Variants in ATG2A observed in about 807,000 individuals in gnomAD.
ATG2A encodes autophagy-related protein 2 homolog A.
ATG2A carries 103 observed loss-of-function variants against 214.2 expected under a neutral mutation model. The ratio of observed to expected loss-of-function variants is 0.48; its 90% confidence interval spans 0.41 to 0.57. The LOEUF (loss-of-function observed/expected upper bound fraction) is 0.57. ATG2A is among the 20% of genes least tolerant of loss of function. ATG2A has a pLI of 0.00. For missense variants in ATG2A, 2,312 were observed against 2,613.2 expected, an observed-to-expected ratio of 0.88 and a Z score of 2.51; for synonymous variants, 1,160 against 1,142.1, an observed-to-expected ratio of 1.02 and a Z score of -0.32.
chr11:64,907,622 A>G lies in ATG2A; in HGVS notation c.2550T>C (p.Leu850=). The change falls in exon 18 of 41, where the codon CTT becomes CTC. Residue 850 remains leucine (L), a synonymous_variant. Transcript: ENST00000377264. The stretch of plus-strand genomic sequence containing the variant: ...GCTGGGCGGCGGGGTCGGGGGTGGG[A>G]AGCAGATCTGCAGGCTCCCACATGA... ...DLLMWEPADL[L]PTPDPAAQPS... 1.7e-6 allele frequency: 2 copies of G among 1,170,756 alleles called. No homozygotes were observed. Among genetic ancestry groups the G allele is most frequent in the Non-Finnish European group, 2.4e-6 (2 of 837,892 alleles). The allele number at this position is 1,170,756 out of a possible 1,614,324, so 72.5% of individuals were successfully genotyped here. A position where few individuals can be genotyped will look rare whatever the true frequency, so the allele number is the denominator to read the frequency against.
Position 64,914,410 on chromosome 11 carries a change from C to T in ATG2A, c.262G>A (p.Ala88Thr). Reference protein sequence around the residue: ...GSIEVAVPWAALLTDHCTVRV... With the variant: ...GSIEVAVPWATLLTDHCTVRV... ...ACTGTGCAGTGGTCGGTGAGCAGAG[C>T]AGCCCAGGGCACGGCCACCTCGATG... is the stretch of plus-strand genomic sequence containing the variant. Residue 88 changes from alanine (A) to threonine (T), a missense_variant, in exon 2 of 41, where the codon GCT (alanine) becomes ACT (threonine). By Grantham distance (58) the Ala-to-Thr change is moderately conservative. Coordinates refer to ENST00000377264, the MANE Select transcript of ATG2A (RefSeq NM_015104.3). 6.2e-7 allele frequency: 1 copy of T among 1,612,280 alleles called. No individual in the cohort carries two copies. The highest frequency in any genetic ancestry group is 8.5e-7 in the Non-Finnish European group (1 of 1,179,648).
chr11:64,909,592 T>C lies in ATG2A; in HGVS notation c.2107+89A>G, dbSNP rs1272111120. On this transcript the variant is annotated intron_variant, in intron 14 of 40. Transcript: ENST00000377264. ...AGGCCTGGGCCAGGGACTGCTCGGG[T>C]TGTGACTGGGCCCCTTCCATAGCCC... The C allele has an allele frequency of 3.2e-6, 5 of 1,561,790 alleles. No homozygotes were observed. The East Asian group carries it at 1.1e-4, about 35-fold the overall frequency.
intron 29 of ATG2A, among the ~76,000 whole-genome samples, chr11:64,901,462 C>T (rs1363886386): frequency 6.6e-6 from 1 of 152,144 alleles, no homozygotes; most frequent in Non-Finnish European, 1.5e-5. Flanking sequence ...GCTGGGATTA[C>T]AGGCGTAACC....
intron 29 of ATG2A, among the ~76,000 whole-genome samples, chr11:64,901,376 G>C (rs1211903199): frequency 6.6e-6 from 1 of 151,900 alleles, no homozygotes; most frequent in Non-Finnish European, 1.5e-5. Context: ...TTGTAGAGAC[G>C]GGGTCTCACT....
rs1412506639 is a variant in ATG2A, at chr11:64,895,712, G to A, written c.5428-270C>T. ...CTCAACCCAAACCTCTCTTCCTGCT[G>A]ACCACCACATTCAGCAGGTTCCACA... On this transcript the variant is annotated intron_variant, in intron 39 of 40. Transcript: ENST00000377264. The surrounding 1 kb of genome is among the most constrained non-coding windows in gnomAD (Gnocchi z 5.0). 6.6e-6 allele frequency among the ~76,000 whole-genome samples: 1 copy of A among 152,148 alleles called. No homozygotes were observed. Among genetic ancestry groups the A allele is most frequent in the African/African-American group, 2.4e-5 (1 of 41,424 alleles).
In ATG2A at chr11:64,913,240, G is replaced by A. The variant is rs369978875; in HGVS notation, c.726+26C>T. On this transcript the variant is annotated intron_variant, in intron 5 of 40. Transcript: ENST00000377264. This position sits in a 1 kb window ranked among gnomAD's most constrained non-coding sequence, Gnocchi z 4.3. ...ATGGGCTCAAGGGAGAGGAGACAGG[G>A]GCTGTGGGAATCAGAGCCCGCTCAC... The A allele has an allele frequency of 1.2e-4, 199 of 1,612,068 alleles. No homozygotes were observed. Among genetic ancestry groups the A allele is most frequent in the Non-Finnish European group, 1.6e-4 (190 of 1,179,810 alleles).
Position 64,903,774 on chromosome 11 carries a change from G to A in ATG2A, c.3465-114C>T. ...GAGGTGGTATGGACAGGCCCCTCCA[G>A]CCTCAGCGTTCCTGCCTGCACAATG... On this transcript the variant is annotated intron_variant, in intron 24 of 40. Transcript: ENST00000377264. This position sits in a 1 kb window ranked among gnomAD's most constrained non-coding sequence, Gnocchi z 4.2. 2 of 1,008,222 alleles carry A rather than the reference G, an allele frequency of 2.0e-6. No homozygotes were observed. The highest frequency in any genetic ancestry group is 2.9e-6 in the Non-Finnish European group (2 of 696,704). The allele number at this position is 1,008,222 out of a possible 1,614,324, so 62.5% of individuals were successfully genotyped here.
rs200176858 is a variant in ATG2A at position 64,910,190 on chromosome 11, T to A, written c.1713A>T (p.Arg571=). Residue 571 remains arginine, a synonymous_variant, in exon 13 of 41, where the codon CGA becomes CGT. Transcript: ENST00000377264. Reference sequence around the variant, plus strand: ...AATGGCAGGCAACTGAGCGCCGGGGTCGGCTCTGAGGGCGAGGGCGTTCAG... The same window carrying A: ...AATGGCAGGCAACTGAGCGCCGGGGACGGCTCTGAGGGCGAGGGCGTTCAG... ...TQILRRVPKS[R]PRRSVACHCH... is the part of the protein sequence containing the mutation. 2.1e-5 allele frequency: 33 copies of A among 1,599,134 alleles called. No homozygotes were observed. The African/African-American group carries it at 3.5e-4, about 17-fold the overall frequency.
rs377583803 is a variant in ATG2A at position 64,899,883 on chromosome 11, G to T, written c.4464+611C>A. Among the ~76,000 whole-genome samples the T allele has an allele frequency of 8.8e-5, 13 of 148,090 alleles. No homozygotes were observed. The East Asian group carries it at 2.0e-3, about 22-fold the overall frequency. ...AGCATTTTTTTTTTTTTTTGAAACA[G>T]AGTCTTACTCTGTTGCCCAGGCTGG... On this transcript the variant is annotated intron_variant, in intron 31 of 40. Coordinates refer to ENST00000377264, the MANE Select transcript of ATG2A (RefSeq NM_015104.3).
chr11:64,906,611 G>A lies in ATG2A; in HGVS notation c.2983+54C>T. 1.1e-5 allele frequency: 17 copies of A among 1,608,774 alleles called. No individual in the cohort carries two copies. In the South Asian group the frequency reaches 1.9e-4, roughly 18 times the overall value. On this transcript the variant is annotated intron_variant, in intron 20 of 40. Coordinates refer to ENST00000377264, the MANE Select transcript of ATG2A (RefSeq NM_015104.3). ...CCCAGGGCCCACATCCGTCCTGAAAGCCCTCCACCCCCAACCCTGGACCCC... is the reference window on the plus strand; with the variant it reads ...CCCAGGGCCCACATCCGTCCTGAAAACCCTCCACCCCCAACCCTGGACCCC...
chr11:64,913,841 G>A lies in ATG2A; in HGVS notation c.570C>T (p.Ala190=), dbSNP rs746073619. 28 of 1,613,514 alleles carry A rather than the reference G, an allele frequency of 1.7e-5. No homozygotes were observed. The highest frequency in any genetic ancestry group is 2.2e-5 in the Non-Finnish European group (26 of 1,179,998). ...HSPGDGERGV[A]VEVRVQRLEY... is the part of the protein sequence containing the mutation. ...CTTACCTCTGCACACGGACCTCGAC[G>A]GCCACACCACGTTCCCCATCACCCG... Residue 190 remains alanine (A), a synonymous_variant, in exon 4 of 41, where the codon GCC becomes GCT. Transcript: ENST00000377264. This position sits in a 1 kb window ranked among gnomAD's most constrained non-coding sequence, Gnocchi z 4.3.
chr11:64,899,801 C>T (rs1471757170), intron 31 of ATG2A, among the ~76,000 whole-genome samples: 3 of 151,866 alleles, frequency 2.0e-5, no homozygotes, highest in African/African-American at 4.8e-5. Context: ...CATTCTGGGT[C>T]GCTGGTTATG....
In ATG2A at chr11:64,910,026, C is replaced by G. The variant is rs764536857; in HGVS notation, c.1863+14G>C. The G allele has an allele frequency of 1.3e-6, 2 of 1,563,800 alleles. No homozygotes were observed. Among genetic ancestry groups the G allele is most frequent in the South Asian group, 2.4e-5 (2 of 84,640 alleles). On this transcript the variant is annotated intron_variant, in intron 13 of 40. Coordinates refer to ENST00000377264, the MANE Select transcript of ATG2A (RefSeq NM_015104.3). ...GCACCCACCCCCGGCCTGGCCCTGG[C>G]AGGGGCCTCTCACCAGCAGGCCGGC...
Position 64,914,211 on chromosome 11 carries a change from C to T in ATG2A, c.357G>A (p.Gln119=), listed in dbSNP as rs1186304105. ...TTGTGGTCATGCATGAGGCCCAGCTCTGTGAGTCGGCAGCCCCTGGCGCTG... is the reference window on the plus strand; with the variant it reads ...TTGTGGTCATGCATGAGGCCCAGCTTTGTGAGTCGGCAGCCCCTGGCGCTG... ...RGPAPGAADS[Q]SWASCMTTSL... The change falls in exon 3 of 41, where the codon CAG becomes CAA. Residue 119 remains glutamine, a synonymous_variant. Transcript: ENST00000377264. The T allele has an allele frequency of 6.4e-7, 1 of 1,554,040 alleles. No individual in the cohort carries two copies. The highest frequency in any genetic ancestry group is 1.4e-5 in the African/African-American group (1 of 73,352).
At chr11:64,905,503 C>A in intron 24 of ATG2A, 60 bp downstream of exon 24, 1 of 1,496,920 alleles carries the variant, frequency 6.7e-7, no homozygotes, top group Non-Finnish European at 9.2e-7. Flanking sequence ...GGACACACAG[C>A]TGGCAGGCAG....
chr11:64,913,277 G>C lies in ATG2A; in HGVS notation c.715C>G (p.Leu239Val), dbSNP rs1408447964. 1 of 1,611,466 alleles carries C rather than the reference G, an allele frequency of 6.2e-7. No homozygotes were observed. The highest frequency in any genetic ancestry group is 8.5e-7 in the Non-Finnish European group (1 of 1,179,606). Reference protein sequence around the residue: ...LAGVRLHYEELPAQEEPPEPP... With the variant: ...LAGVRLHYEEVPAQEEPPEPP... ...CAGAGCCCGCTCACCTGTGCCGGGA[G>C]CTCCTCGTAGTGCAGGCGGACCCCT... The change falls in exon 5 of 41, where the codon CTC becomes GTC. Residue 239 changes from leucine (L) to valine (V), a missense_variant. Coordinates refer to ENST00000377264, the MANE Select transcript of ATG2A (RefSeq NM_015104.3). The surrounding 1 kb of genome is among the most constrained non-coding windows in gnomAD (Gnocchi z 4.3).
Position 64,900,515 on chromosome 11 carries a change from G to A in ATG2A, c.4443C>T (p.Leu1481=), listed in dbSNP as rs1328707687. ...TCACCTTGCTCAGCTGGATCTCCATGAGGACATGGTGCTGCCGCCCGCTGC... is the reference window on the plus strand; with the variant it reads ...TCACCTTGCTCAGCTGGATCTCCATAAGGACATGGTGCTGCCGCCCGCTGC... The part of the protein sequence containing the change: ...QGGSGRQHHV[L]MEIQLSKVSF... The change falls in exon 31 of 41, where the codon CTC becomes CTT. Residue 1481 remains leucine, a synonymous_variant. Transcript: ENST00000377264. The A allele has an allele frequency of 6.2e-7, 1 of 1,613,578 alleles. No homozygotes were observed. Among genetic ancestry groups the A allele is most frequent in the South Asian group, 1.1e-5 (1 of 91,084 alleles).
rs758190411 is a variant in ATG2A, at chr11:64,906,668, G to C, written c.2980C>G (p.Arg994Gly). The C allele has an allele frequency of 1.9e-6, 3 of 1,613,520 alleles. No homozygotes were observed. The highest frequency in any genetic ancestry group is 1.7e-5 in the Admixed American group (1 of 60,016). Residue 994 changes from arginine to glycine, a missense_variant, in exon 20 of 41, where the codon CGA becomes GGA. Coordinates refer to ENST00000377264, the MANE Select transcript of ATG2A (RefSeq NM_015104.3). ...LEAEKATLYH[R>G]AAVDDYPLPS... ...GACCTGCCCCCAGGCCTCACACCTC[G>C]GTGGTAGAGTGTTGCCTTTTCAGCT...
Position 64,910,062 on chromosome 11 carries a change from G to A in ATG2A, c.1841C>T (p.Ala614Val). 1 of 1,597,952 alleles carries A rather than the reference G, an allele frequency of 6.3e-7. No homozygotes were observed. The highest frequency in any genetic ancestry group is 8.5e-7 in the Non-Finnish European group (1 of 1,173,848). ...CACCAGCAGGCCGGCTGGAGGCTCA[G>A]CAGGTACGGTGGCCAGGCGCAGTAG... ...AALLRLATVP[A>V]EPPAGLLTEP... The change falls in exon 13 of 41, where the codon GCT becomes GTT. Residue 614 changes from alanine to valine, a missense_variant. Transcript: ENST00000377264.
Sources: allele counts gnomAD v4.1 joint callset (sites outside exome capture counted in the v4.1 genomes callset), GRCh38; gene constraint gnomAD v4.1.1; non-coding constraint Gnocchi (gnomAD v3.1); transcripts MANE v1.5; gene names NCBI Gene and HGNC (gene_info 2026-07-23, HGNC 2026-07-21).